Variants in MMS22L observed in about 807,000 individuals in gnomAD.
MMS22L encodes protein MMS22-like.
In MMS22L, 74 loss-of-function variants were observed where a neutral mutation model predicts 159.1. The observed-to-expected ratio is 0.47, with a 90% confidence interval of 0.39 to 0.56. MMS22L has a LOEUF of 0.56. Among genes scored for constraint, MMS22L ranks in the 20% least tolerant of loss-of-function variants. The pLI is 0.00. For missense variants in MMS22L, 1,351 were observed against 1,422.1 expected, an observed-to-expected ratio of 0.95 and a Z score of 0.80; for synonymous variants, 517 against 506.9, an observed-to-expected ratio of 1.02 and a Z score of -0.27.
chr6:97,165,579 G>GATA, intron 20 of MMS22L, 122 bp from the exon 21 acceptor site: 1 of 793,982 alleles, frequency 1.3e-6, no homozygotes, highest in East Asian at 2.7e-5. Context: ...AATCAAAAAG[G>GATA]ATACCTCACG....
Position 97,204,350 on chromosome 6 carries a change from C to T in MMS22L, c.2040-17660G>A, listed in dbSNP as rs535632069. Among the ~76,000 whole-genome samples the T allele has an allele frequency of 6.6e-5, 10 of 152,218 alleles. No individual in the cohort carries two copies. The East Asian group carries it at 1.7e-3, about 26-fold the overall frequency. On this transcript the variant is annotated intron_variant, in intron 14 of 24. Coordinates refer to ENST00000683635, the MANE Select transcript of MMS22L (RefSeq NM_001350599.2). ...GAATCTTCAGAAAATTTACCATCCT[C>T]ATGGTTAAGATAACATTAACTGGAT...
At chr6:97,276,118 A>T (rs1816220206) in intron 4 of MMS22L, among the ~76,000 whole-genome samples, 1 of 152,200 alleles carries the variant, frequency 6.6e-6, no homozygotes, top group African/African-American at 2.4e-5. Context: ...TAATGGCTAG[A>T]ACAAGAACTA....
rs1323353010 is a variant in MMS22L, at chr6:97,144,212, G to T, written c.*2594C>A. 3 of 152,176 alleles carry T rather than the reference G, an allele frequency of 2.0e-5. No individual in the cohort carries two copies. Among genetic ancestry groups the T allele is most frequent in the East Asian group, 3.9e-4 (2 of 5,184 alleles). The allele number at this position is 152,176 out of a possible 1,614,324, so 9.4% of individuals were successfully genotyped here. On this transcript the variant is annotated 3_prime_UTR_variant, in exon 25 of 25. Transcript: ENST00000683635. ...TGAAGGGTCGTATCTTACGACTGGG[G>T]ACAGGAAAGAAGACCATGAAGGTGC... is the stretch of plus-strand genomic sequence containing the variant.
chr6:97,187,336 C>T (rs916111007), intron 14 of MMS22L, among the ~76,000 whole-genome samples: 3 of 152,064 alleles, frequency 2.0e-5, no homozygotes, highest in Admixed American at 6.5e-5. Context: ...CTGATTAATT[C>T]AATCGAAAAT....
At chr6:97,251,253 T>C (rs900882299) in intron 10 of MMS22L, among the ~76,000 whole-genome samples, 1 of 152,186 alleles carries the variant, frequency 6.6e-6, no homozygotes, top group African/African-American at 2.4e-5. Context: ...AGAAATCTAA[T>C]ATCAAGTTTA....
intron 16 of MMS22L, 105 bp downstream of exon 16, chr6:97,181,799 T>C: frequency 1.8e-6 from 2 of 1,138,250 alleles, no homozygotes; most frequent in Non-Finnish European, 2.4e-6. Flanking sequence ...AGTGAGAGTA[T>C]ATGTAGTAGA....
chr6:97,269,559 G>T (rs1467504634), intron 7 of MMS22L, among the ~76,000 whole-genome samples: 4 of 152,096 alleles, frequency 2.6e-5, no homozygotes, highest in African/African-American at 7.2e-5. Context: ...AATGGATAAA[G>T]TAGAACTATA....
At chr6:97,173,980 G>A (rs1055220879) in intron 18 of MMS22L, among the ~76,000 whole-genome samples, 2 of 102,686 alleles carry the variant, frequency 1.9e-5, no homozygotes, top group African/African-American at 4.8e-5. Flanking sequence ...TGGCCGGTGC[G>A]GTGGCTCCTC....
intron 14 of MMS22L, among the ~76,000 whole-genome samples, chr6:97,216,229 A>G (rs762149949): frequency 6.6e-6 from 1 of 152,216 alleles, no homozygotes; most frequent in Non-Finnish European, 1.5e-5. Context: ...TAAGATGGTG[A>G]GAATAGCTAG....
chr6:97,206,487 T>A (rs1248962066), intron 14 of MMS22L, among the ~76,000 whole-genome samples: 1 of 152,034 alleles, frequency 6.6e-6, no homozygotes, highest in East Asian at 1.9e-4. Flanking sequence ...TAAATTAACA[T>A]GCTTTTTATA....
At chr6:97,185,359 A>T (rs547548553) in intron 15 of MMS22L, among the ~76,000 whole-genome samples, 30 of 152,232 alleles carry the variant, frequency 2.0e-4, no homozygotes, top group Admixed American at 1.7e-3. Context: ...ATTCTCTCCT[A>T]AACTATCAAG....
At chr6:97,191,026 T>C (rs1805807305) in intron 14 of MMS22L, among the ~76,000 whole-genome samples, 1 of 152,214 alleles carries the variant, frequency 6.6e-6, no homozygotes, top group Non-Finnish European at 1.5e-5. Context: ...TTTTCCTGAT[T>C]CTTTCATCTG....
chr6:97,233,732 A>G (rs900427799), intron 12 of MMS22L, 129 bp downstream of exon 12: 15 of 951,874 alleles, frequency 1.6e-5, no homozygotes, highest in Non-Finnish European at 2.1e-5. Context: ...AGCTACTCCA[A>G]TCTACTCTGA....
chr6:97,283,931 C>A (rs537026421), upstream of MMS22L, among the ~76,000 whole-genome samples: 1 of 152,268 alleles, frequency 6.6e-6, no homozygotes, highest in African/African-American at 2.4e-5. Context: ...AAGAATCATA[C>A]TTCTAACTAA....
chr6:97,282,464 G>A lies in MMS22L; in HGVS notation c.14C>T (p.Ser5Phe). Residue 5 changes from serine (S) to phenylalanine (F), a missense_variant, in exon 2 of 25, where the codon TCT becomes TTT. Coordinates refer to ENST00000683635, the MANE Select transcript of MMS22L (RefSeq NM_001350599.2). The stretch of plus-strand genomic sequence containing the variant: ...GTCAGTCAGGAACGTCGATGCAGCA[G>A]AACAGTTCTCCATTGTTTACTTCAT... MENCSAASTFLTDSL... is the reference protein window; with the variant it reads MENCFAASTFLTDSL... 1.2e-6 allele frequency: 2 copies of A among 1,605,278 alleles called. No individual in the cohort carries two copies. Among genetic ancestry groups the A allele is most frequent in the Non-Finnish European group, 1.7e-6 (2 of 1,175,174 alleles).
chr6:97,229,994 A>G (rs182829676), intron 13 of MMS22L, among the ~76,000 whole-genome samples: 2 of 152,334 alleles, frequency 1.3e-5, no homozygotes, highest in Non-Finnish European at 2.9e-5. Context: ...TACAATAGAT[A>G]ATATAGTTAA....
chr6:97,278,818 C>T, intron 4 of MMS22L, 31 bp downstream of exon 4: 2 of 1,594,394 alleles, frequency 1.3e-6, no homozygotes, highest in Non-Finnish European at 1.7e-6. Flanking sequence ...AAGCACCATT[C>T]CCTTTTGCAT....
chr6:97,180,715 CAA>C (rs761818724), intron 16 of MMS22L, among the ~76,000 whole-genome samples: 1 of 152,024 alleles, frequency 6.6e-6, no homozygotes, highest in Non-Finnish European at 1.5e-5. Context: ...ATTATTTCAG[CAA>C]AAGTCTTTAA....
rs764939582 is a variant in MMS22L at position 97,281,318 on chromosome 6, T to A, written c.209A>T (p.Asp70Val). 2.5e-6 allele frequency: 4 copies of A among 1,609,430 alleles called. No homozygotes were observed. The highest frequency in any genetic ancestry group is 3.4e-6 in the Non-Finnish European group (4 of 1,178,038). Residue 70 changes from aspartate (D) to valine (V), a missense_variant, in exon 3 of 25, where the codon GAT (aspartate) becomes GTT (valine). Transcript: ENST00000683635. ...CTGAATGCCAAATATTTCCAAGGTATCTTCTTCAAAATTAGTTGGTAAAGG... is the reference window on the plus strand; with the variant it reads ...CTGAATGCCAAATATTTCCAAGGTAACTTCTTCAAAATTAGTTGGTAAAGG... ...LDPLPTNFEE[D>V]TLEIFGIQWV...
Sources: allele counts gnomAD v4.1 joint callset (sites outside exome capture counted in the v4.1 genomes callset), GRCh38; gene constraint gnomAD v4.1.1; transcripts MANE v1.5; gene names NCBI Gene and HGNC (gene_info 2026-07-23, HGNC 2026-07-21).